The following ABHD18 variants were observed in gnomAD, a reference collection of about 807,000 sequenced individuals.
ABHD18 encodes cardiolipin-specific deacylase, mitochondrial.
Under a neutral mutation model 65.9 loss-of-function variants are expected in ABHD18, and 55 were observed. That is an observed-to-expected ratio of 0.84 (90% CI 0.67 to 1.05). ABHD18 has a LOEUF of 1.05. Among genes scored for constraint, ABHD18 ranks in the 50% least tolerant of loss-of-function variants. ABHD18 has a pLI of 0.00. For synonymous variants in ABHD18, 181 were observed against 180.2 expected (o/e 1.00, Z -0.04); for missense variants, 533 against 558.5 (o/e 0.95, Z 0.46).
At chr4:128,028,164 TGCCATTCTCTTTCCATC>T (rs1757653533) in intron 10 of ABHD18, among the ~76,000 whole-genome samples, 1 of 152,208 alleles carries the variant, frequency 6.6e-6, no homozygotes, top group African/African-American at 2.4e-5. Context: ...CTCTGGCAAC[TGCCATTCTCTTTCCATC>T]GCTATGAATT....
chr4:127,984,277 A>G, intron 2 of ABHD18, 62 bp from the exon 3 acceptor site: 3 of 910,642 alleles, frequency 3.3e-6, no homozygotes, highest in African/African-American at 1.7e-5. Flanking sequence ...CTCAATTATA[A>G]TGTGCTTAGT....
chr4:128,020,641 C>T (rs1045491406), intron 9 of ABHD18, among the ~76,000 whole-genome samples: 2 of 152,264 alleles, frequency 1.3e-5, no homozygotes, highest in East Asian at 3.9e-4. Flanking sequence ...GTGACCCACT[C>T]TTATCATTTA....
intron 11 of ABHD18, among the ~76,000 whole-genome samples, chr4:128,029,671 A>C (rs763639141): frequency 1.3e-5 from 2 of 152,174 alleles, no homozygotes; most frequent in Non-Finnish European, 2.9e-5. Context: ...CAAAAATATA[A>C]AAAATTAGTT....
intron 1 of ABHD18, among the ~76,000 whole-genome samples, chr4:127,975,585 AG>A (rs1356129838): frequency 6.6e-6 from 1 of 152,186 alleles, no homozygotes; most frequent in Non-Finnish European, 1.5e-5. Flanking sequence ...GGACACTAAA[AG>A]CTCCCACCTT....
At chr4:127,968,384 G>A (rs1746102879) in intron 1 of ABHD18, among the ~76,000 whole-genome samples, 1 of 152,190 alleles carries the variant, frequency 6.6e-6, no homozygotes, top group South Asian at 2.1e-4. Flanking sequence ...ATTTAGAAGT[G>A]AAATTACAAG....
Position 128,017,462 on chromosome 4 carries a change from C to T in ABHD18, c.570C>T (p.Tyr190=), listed in dbSNP as rs995014570. The change falls in exon 8 of 13, where the codon TAC becomes TAT. Residue 190 remains tyrosine (Y), a synonymous_variant. Coordinates refer to ENST00000645843, the MANE Select transcript of ABHD18 (RefSeq NM_001358451.3). Reference sequence around the variant, plus strand: ...TGCACTGGCTAGAGAGGGAAGGTTACGGCCCTTTAGGAATGACTGGAATAT... The same window carrying T: ...TGCACTGGCTAGAGAGGGAAGGTTATGGCCCTTTAGGAATGACTGGAATAT... The part of the protein sequence containing the change: ...ALLHWLEREG[Y]GPLGMTGISM... 14 of 1,613,216 alleles carry T rather than the reference C, an allele frequency of 8.7e-6. No homozygotes were observed. The highest frequency in any genetic ancestry group is 8.0e-5 in the African/African-American group (6 of 74,906).
rs371396935 is a variant in ABHD18 at position 127,997,878 on chromosome 4, G to GT, written c.278+8066dup. Reference sequence around the variant, plus strand: ...TCACCTTTTTCCTCTCCTCCTCCTCGTTTTTTTTTGTTTGTTTGTTTTTTG... The same window carrying GT: ...TCACCTTTTTCCTCTCCTCCTCCTCGTTTTTTTTTTGTTTGTTTGTTTTTTG... On this transcript the variant is annotated intron_variant, in intron 4 of 12. Transcript: ENST00000645843. 2.7e-3 allele frequency among the ~76,000 whole-genome samples: 396 copies of GT among 144,742 alleles called. 1 individual carries two copies. The highest frequency in any genetic ancestry group is 4.8e-3 in the Non-Finnish European group (314 of 65,856). 95.0% of individuals were successfully genotyped at this position (144,742 alleles called of 152,430 possible).
chr4:128,016,068 C>A (rs1008921820), intron 7 of ABHD18, among the ~76,000 whole-genome samples: 3 of 151,558 alleles, frequency 2.0e-5, no homozygotes, highest in African/African-American at 7.3e-5. Flanking sequence ...ATTCTCCTGC[C>A]TCAGCCTCCT....
intron 1 of ABHD18, among the ~76,000 whole-genome samples, chr4:127,977,001 A>G (rs112048006): frequency 1.6e-4 from 25 of 152,178 alleles, no homozygotes; most frequent in African/African-American, 5.5e-4. Flanking sequence ...AGATCGTGCT[A>G]CTGCACTCCA....
intron 1 of ABHD18, among the ~76,000 whole-genome samples, chr4:127,981,691 A>C (rs1241884556): frequency 6.6e-6 from 1 of 152,214 alleles, no homozygotes; most frequent in Admixed American, 6.5e-5. Context: ...GTTTATGTAT[A>C]GTGGTAGACA....
chr4:127,973,130 C>A (rs946429537), intron 1 of ABHD18, among the ~76,000 whole-genome samples: 6 of 152,088 alleles, frequency 3.9e-5, no homozygotes, highest in African/African-American at 1.4e-4. Flanking sequence ...CCTCCCGCCT[C>A]AGCCTCCCGA....
chr4:128,029,421 C>T (rs941685560), intron 11 of ABHD18, among the ~76,000 whole-genome samples: 3 of 152,120 alleles, frequency 2.0e-5, no homozygotes, highest in South Asian at 2.1e-4. Context: ...TGGCTCACGC[C>T]TATAATCCTA....
chr4:128,011,150 A>ATTT (rs766141488), intron 6 of ABHD18, among the ~76,000 whole-genome samples: 1 of 141,520 alleles, frequency 7.1e-6, no homozygotes, highest in Non-Finnish European at 1.5e-5. Context: ...GTGATATATG[A>ATTT]TTTTTTTTTT....
intron 12 of ABHD18, chr4:128,031,180 C>T (rs1482600370): frequency 5.1e-6 from 5 of 982,364 alleles, no homozygotes; most frequent in South Asian, 4.7e-5. Context: ...GCTGGCTGGG[C>T]GCGGTGGCTT....
Position 128,022,610 on chromosome 4 carries a change from T to C in ABHD18, c.801+1372T>C, listed in dbSNP as rs1219091140. 6.6e-5 allele frequency among the ~76,000 whole-genome samples: 10 copies of C among 152,194 alleles called. No homozygotes were observed. In the East Asian group the frequency reaches 1.9e-3, roughly 29 times the overall value. ...TTTTTCATGTATTTGAATACTTTTATAGGGAGACACTTACCTCATATATTA... is the reference window on the plus strand; with the variant it reads ...TTTTTCATGTATTTGAATACTTTTACAGGGAGACACTTACCTCATATATTA... On this transcript the variant is annotated intron_variant, in intron 10 of 12. Coordinates refer to ENST00000645843, the MANE Select transcript of ABHD18 (RefSeq NM_001358451.3).
chr4:128,013,388 G>A (rs1172407885), intron 7 of ABHD18, among the ~76,000 whole-genome samples: 3 of 152,038 alleles, frequency 2.0e-5, no homozygotes, highest in Admixed American at 2.0e-4. Context: ...TGTATGAATT[G>A]GATGGTGTGG....
intron 1 of ABHD18, among the ~76,000 whole-genome samples, chr4:127,974,947 G>C (rs2149047861): frequency 7.5e-6 from 1 of 134,020 alleles, no homozygotes; most frequent in African/African-American, 2.8e-5. Context: ...AGTGAGCCGA[G>C]ATCGCGCCAT....
chr4:128,000,390 C>A (rs1752465561), intron 4 of ABHD18, among the ~76,000 whole-genome samples: 1 of 152,072 alleles, frequency 6.6e-6, no homozygotes, highest in Non-Finnish European at 1.5e-5. Flanking sequence ...AGTCCTTTTT[C>A]TTTTGTCTGT....
chr4:128,004,504 C>T (rs966561765), intron 4 of ABHD18, among the ~76,000 whole-genome samples: 1 of 152,040 alleles, frequency 6.6e-6, no homozygotes, highest in Non-Finnish European at 1.5e-5. Context: ...TCTGCTGCAG[C>T]CATCTCCTAT....
Sources: allele counts gnomAD v4.1 joint callset (sites outside exome capture counted in the v4.1 genomes callset), GRCh38; gene constraint gnomAD v4.1.1; transcripts MANE v1.5; gene names NCBI Gene and HGNC (gene_info 2026-07-23, HGNC 2026-07-21).